The following OOSP1 variants were observed in gnomAD, a reference collection of about 807,000 sequenced individuals.
OOSP1 encodes putative oocyte-secreted protein 1 homolog.
A neutral mutation model predicts 5.7 loss-of-function variants in OOSP1; 11 were observed. The observed-to-expected ratio is 1.94, with a 90% CI of 1.22 to 3.20. The LOEUF is 3.20. Ranked by LOEUF, OOSP1 falls within the 30% of genes most tolerant of loss-of-function variation. The pLI, the probability that OOSP1 is intolerant of heterozygous loss-of-function variation, is 0.00. For missense variants in OOSP1, 83 were observed against 54.1 expected, an observed-to-expected ratio of 1.53 and a Z score of -1.67; for synonymous variants, 44 against 20.0, an observed-to-expected ratio of 2.20 and a Z score of -3.20.
At chr11:59,953,798 T>C (rs1853963420) in intron 4 of OOSP1, among the ~76,000 whole-genome samples, 1 of 152,208 alleles carries the variant, frequency 6.6e-6, no homozygotes, top group Non-Finnish European at 1.5e-5. Flanking sequence ...ATATAGATAA[T>C]AGTTCCTTGC....
intron 1 of OOSP1, among the ~76,000 whole-genome samples, chr11:59,942,579 T>C (rs1853840861): frequency 6.6e-6 from 1 of 152,176 alleles, no homozygotes; most frequent in South Asian, 2.1e-4. Context: ...CTTTGGAGGG[T>C]TAGATGAAAT....
intron 4 of OOSP1, among the ~76,000 whole-genome samples, chr11:59,955,944 T>C (rs1380216335): frequency 6.6e-6 from 1 of 152,172 alleles, no homozygotes; most frequent in Non-Finnish European, 1.5e-5. Flanking sequence ...ATCATCTATT[T>C]TTATTTATTT....
At chr11:59,942,379 AG>A (rs546520209) in intron 1 of OOSP1, among the ~76,000 whole-genome samples, 21 of 152,264 alleles carry the variant, frequency 1.4e-4, no homozygotes, top group African/African-American at 5.1e-4. Flanking sequence ...TGCTAGCTTG[AG>A]TTTTGTGGAC....
rs559778232 is a variant in OOSP1, at chr11:59,947,019, TTAA to T, written c.357-710_357-708del. ...ACTAAAAATAAAAAAATTTAGAAAATTAATAACCATTTTGATTAGGTCTTAGCA... is the reference window on the plus strand; with the variant it reads ...ACTAAAAATAAAAAAATTTAGAAAATTAACCATTTTGATTAGGTCTTAGCA... On this transcript the variant is annotated intron_variant, in intron 3 of 4. Transcript: ENST00000646685. Among the ~76,000 whole-genome samples the T allele has an allele frequency of 5.3e-5, 8 of 152,130 alleles. No homozygotes were observed. In the South Asian group the frequency reaches 1.7e-3, roughly 32 times the overall value.
At chr11:59,943,136 T>C in intron 2 of OOSP1, 108 bp downstream of exon 2, 2 of 466,482 alleles carry the variant, frequency 4.3e-6, no homozygotes, top group Non-Finnish European at 7.7e-6. Flanking sequence ...AGTGAGAACA[T>C]GTGGTGTTTG....
intron 3 of OOSP1, among the ~76,000 whole-genome samples, chr11:59,946,961 A>G (rs921889767): frequency 6.9e-6 from 1 of 144,408 alleles, no homozygotes; most frequent in Non-Finnish European, 1.5e-5. Flanking sequence ...CTATCTATCT[A>G]TCTATCTGTC....
chr11:59,941,036 A>G (rs938430563), intron 1 of OOSP1, among the ~76,000 whole-genome samples: 2 of 152,214 alleles, frequency 1.3e-5, no homozygotes, highest in Admixed American at 1.3e-4. Flanking sequence ...AGCCACTTCT[A>G]CTTTCCTCCT....
intron 3 of OOSP1, among the ~76,000 whole-genome samples, chr11:59,945,846 A>G (rs1853877529): frequency 6.6e-6 from 1 of 151,984 alleles, no homozygotes; most frequent in Non-Finnish European, 1.5e-5. Context: ...CTGTGCAGGA[A>G]GCATGGCTGG....
intron 1 of OOSP1, among the ~76,000 whole-genome samples, chr11:59,942,620 A>G (rs1420172235): frequency 6.6e-6 from 1 of 152,142 alleles, no homozygotes; most frequent in Non-Finnish European, 1.5e-5. Context: ...TCCCCCCTAT[A>G]TATAGATTCA....
In OOSP1 at chr11:59,947,298, G is replaced by T. The variant is rs181137103; in HGVS notation, c.357-435G>T. On this transcript the variant is annotated intron_variant, in intron 3 of 4. Transcript: ENST00000646685. ...GTAGATATTCTTCTTCTTTTTTTTT[G>T]ATTTTTAAGTGGTTGAGCCTCCTTA... Among the ~76,000 whole-genome samples the T allele has an allele frequency of 7.1e-3, 1,063 of 149,552 alleles. 15 individuals are homozygous for T. Among genetic ancestry groups the T allele is most frequent in the African/African-American group, 0.024 (995 of 40,858 alleles).
At chr11:59,938,899 A>G (rs540977759) in intron 1 of OOSP1, among the ~76,000 whole-genome samples, 2 of 152,338 alleles carry the variant, frequency 1.3e-5, no homozygotes, top group African/African-American at 4.8e-5. Flanking sequence ...GGTGTGTCAC[A>G]TACAGGAAGA....
intron 2 of OOSP1, 49 bp from the exon 3 acceptor site, chr11:59,945,120 T>A: frequency 1.4e-6 from 1 of 699,034 alleles, no homozygotes; most frequent in Non-Finnish European, 2.6e-6. Flanking sequence ...GTAAGTTTCC[T>A]GAGATACTTG....
intron 1 of OOSP1, among the ~76,000 whole-genome samples, chr11:59,941,629 C>A (rs1172911117): frequency 1.3e-5 from 2 of 152,130 alleles, no homozygotes; most frequent in Non-Finnish European, 2.9e-5. Flanking sequence ...CCACCCGGCT[C>A]GCCCTCCTAA....
exon 1 of OOSP1, chr11:59,938,443 C>T (rs1457661479): frequency 9.1e-6 from 5 of 551,276 alleles, no homozygotes; most frequent in Non-Finnish European, 1.6e-5. Flanking sequence ...GTTTGGTTTT[C>T]AATCTGGGCA....
chr11:59,955,946 TA>T (rs1315784675), intron 4 of OOSP1, among the ~76,000 whole-genome samples: 1 of 152,182 alleles, frequency 6.6e-6, no homozygotes. Flanking sequence ...CATCTATTTT[TA>T]TTTATTTATT....
chr11:59,942,652 T>G (rs891523453), intron 1 of OOSP1, among the ~76,000 whole-genome samples, 195 bp from the exon 2 acceptor site: 4 of 152,184 alleles, frequency 2.6e-5, no homozygotes, highest in African/African-American at 9.6e-5. Flanking sequence ...ATTTGAAGAA[T>G]GAGTATATGT....
chr11:59,939,692 C>T (rs1156781251), intron 1 of OOSP1, among the ~76,000 whole-genome samples: 9 of 150,922 alleles, frequency 6.0e-5, no homozygotes, highest in African/African-American at 1.7e-4. Flanking sequence ...CCCTCTTCCT[C>T]GTCCCTTGCT....
chr11:59,951,586 C>G (rs2134573036), intron 4 of OOSP1, among the ~76,000 whole-genome samples: 1 of 152,130 alleles, frequency 6.6e-6, no homozygotes, highest in African/African-American at 2.4e-5. Context: ...TAGCTCATCT[C>G]CTTGTTGCTG....
At chr11:59,951,781 T>G (rs1256198455) in intron 4 of OOSP1, among the ~76,000 whole-genome samples, 4 of 141,760 alleles carry the variant, frequency 2.8e-5, no homozygotes, top group African/African-American at 1.1e-4. Context: ...CAGTTTTTTT[T>G]TTTTTTTTTT....
Sources: gnomAD v4.1 joint callset for allele counts (sites outside exome capture counted in the v4.1 genomes callset) on GRCh38, gnomAD v4.1.1 for gene constraint, MANE v1.5 for transcripts, NCBI Gene and HGNC (gene_info 2026-07-23, HGNC 2026-07-21) for gene names.